CALCR: variants seen among roughly 807,000 people sequenced by gnomAD.
The protein encoded by CALCR is calcitonin receptor.
In CALCR, 47 loss-of-function variants were observed where a neutral mutation model predicts 59.5. That is an observed-to-expected ratio of 0.79 (90% CI 0.63 to 1.01). The LOEUF is 1.01. CALCR is among the 50% of genes least tolerant of loss of function. The probability of loss-of-function intolerance (pLI) is 0.00; values close to 1 mark genes in which losing one functional copy is unlikely to be tolerated. For synonymous variants in CALCR, 213 were observed against 211.3 expected (o/e 1.01, Z -0.07); for missense variants, 566 against 597.1 (o/e 0.95, Z 0.54).
At chr7:93,532,093 C>A (rs1238585352) in intron 2 of CALCR, among the ~76,000 whole-genome samples, 1 of 151,920 alleles carries the variant, frequency 6.6e-6, no homozygotes, top group Non-Finnish European at 1.5e-5. Flanking sequence ...CTATTGATAG[C>A]CATAAAGAAA....
At position 93,519,001 on chromosome 7, in the gene CALCR, T is replaced by C. The variant is rs1001598298; in HGVS notation, c.-26-31994A>G. Among the ~76,000 whole-genome samples, 6 of 151,994 alleles carry C rather than the reference T, an allele frequency of 3.9e-5. No homozygotes were observed. The South Asian group carries it at 1.2e-3, about 31-fold the overall frequency. On this transcript the variant is annotated intron_variant, in intron 2 of 13. Coordinates refer to ENST00000426151, the MANE Select transcript of CALCR (RefSeq NM_001742.4). ...TTTGTATTATTTAACTCTTACATAA[T>C]GATCATGTTAATTATGTAATAAAAA...
chr7:93,557,031 G>C (rs1372571703), intron 2 of CALCR, among the ~76,000 whole-genome samples: 1 of 151,810 alleles, frequency 6.6e-6, no homozygotes, highest in African/African-American at 2.4e-5. Flanking sequence ...TAACTACCTT[G>C]GCCATTTGGT....
chr7:93,456,327 G>T (rs1322921542), intron 8 of CALCR, among the ~76,000 whole-genome samples: 2 of 152,038 alleles, frequency 1.3e-5, no homozygotes, highest in Admixed American at 6.6e-5. Context: ...ATTGTAAGTG[G>T]CTTGTTATTG....
At position 93,443,668 on chromosome 7, in the gene CALCR, T is replaced by A; in HGVS notation, c.738A>T (p.Thr246=). 6.2e-7 allele frequency: 1 copy of A among 1,612,948 alleles called. No homozygotes were observed. Among genetic ancestry groups the A allele is most frequent in the Middle Eastern group, 1.7e-4 (1 of 6,058 alleles). ...WMLCEGIYLH[T]LIVVAVFTEK... ...CAGTAAACACAGCCACGACAATGAG[T>A]GTATGAAGATAGATCCCTTCACAGA... The change falls in exon 9 of 14, where the codon ACA becomes ACT. Residue 246 remains threonine, a synonymous_variant. Transcript: ENST00000426151.
intron 3 of CALCR, chr7:93,482,989 A>G (rs932550751): frequency 2.3e-6 from 1 of 440,608 alleles, no homozygotes; most frequent in African/African-American, 2.1e-5. Context: ...CTAAAATAAC[A>G]TACCCATTGG....
chr7:93,484,068 C>T (rs1326432338), intron 3 of CALCR: 1 of 477,256 alleles, frequency 2.1e-6, no homozygotes, highest in African/African-American at 2.0e-5. Flanking sequence ...TTTCAGTCGA[C>T]AAATACTTTG....
intron 2 of CALCR, among the ~76,000 whole-genome samples, chr7:93,573,667 C>A (rs1790053379): frequency 6.6e-6 from 1 of 152,314 alleles, no homozygotes; most frequent in Non-Finnish European, 1.5e-5. Context: ...TAATTTGTTA[C>A]AGCTTTTCTT....
At chr7:93,478,616 G>A (rs1223214059) in intron 4 of CALCR, among the ~76,000 whole-genome samples, 1 of 138,214 alleles carries the variant, frequency 7.2e-6, no homozygotes, top group African/African-American at 2.7e-5. Context: ...TCCTGGGCGA[G>A]AGAGTGAGAC....
intron 13 of CALCR, 103 bp from the exon 14 acceptor site, chr7:93,426,692 A>G (rs1799538686): frequency 1.5e-6 from 1 of 646,156 alleles, no homozygotes; most frequent in Non-Finnish European, 2.7e-6. Context: ...AAAGAAAGTT[A>G]AATTGTAATT....
At chr7:93,526,477 T>C (rs1801879877) in intron 2 of CALCR, among the ~76,000 whole-genome samples, 1 of 151,114 alleles carries the variant, frequency 6.6e-6, no homozygotes, top group African/African-American at 2.4e-5. Flanking sequence ...TAACCAATAC[T>C]GATTCAGAGA....
chr7:93,477,843 A>G (rs1042967512), intron 4 of CALCR, among the ~76,000 whole-genome samples, 175 bp from the exon 5 acceptor site: 5 of 151,624 alleles, frequency 3.3e-5, no homozygotes. Context: ...GGCTTAGCAT[A>G]TCTGTGACCA....
chr7:93,450,080 A>G (rs181546098), intron 8 of CALCR, among the ~76,000 whole-genome samples: 1 of 152,150 alleles, frequency 6.6e-6, no homozygotes, highest in East Asian at 1.9e-4. Context: ...TCTTTAAGCT[A>G]TCCTTTTCCA....
rs375307015 is a variant in CALCR, at chr7:93,476,596, A to AT, written c.316+961dup. 6.3e-3 allele frequency among the ~76,000 whole-genome samples: 952 copies of AT among 151,916 alleles called. 8 individuals carry two copies. The highest frequency in any genetic ancestry group is 0.021 in the African/African-American group (886 of 41,498). On this transcript the variant is annotated intron_variant, in intron 5 of 13. Coordinates refer to ENST00000426151, the MANE Select transcript of CALCR (RefSeq NM_001742.4). ...ATGGATCGATGCCTGTAAATCTCTGATTTTTTTATCAAAACCTTGCCTTGT... is the reference window on the plus strand; with the variant it reads ...ATGGATCGATGCCTGTAAATCTCTGATTTTTTTTATCAAAACCTTGCCTTGT...
chr7:93,549,225 CTT>C (rs1175331085), intron 2 of CALCR, among the ~76,000 whole-genome samples: 4 of 152,012 alleles, frequency 2.6e-5, no homozygotes, highest in Non-Finnish European at 5.9e-5. Context: ...CTGCTGAACT[CTT>C]TATTCAGATG....
chr7:93,503,817 C>A (rs1308226134), intron 2 of CALCR, among the ~76,000 whole-genome samples: 1 of 152,090 alleles, frequency 6.6e-6, no homozygotes, highest in Non-Finnish European at 1.5e-5. Flanking sequence ...TGACAATAAT[C>A]CCCAATAAGG....
intron 2 of CALCR, among the ~76,000 whole-genome samples, chr7:93,560,345 CA>C (rs1789717318): frequency 6.6e-6 from 1 of 151,840 alleles, no homozygotes; most frequent in African/African-American, 2.4e-5. Context: ...TAATTTAAAC[CA>C]AAAACAAAAT....
At chr7:93,428,002 G>GT (rs1799566739) in intron 13 of CALCR, among the ~76,000 whole-genome samples, 1 of 149,758 alleles carries the variant, frequency 6.7e-6, no homozygotes, top group Non-Finnish European at 1.5e-5. Flanking sequence ...CACATCCTGA[G>GT]TTTTGTTTTA....
chr7:93,572,451 A>AT (rs1482208991), intron 2 of CALCR, among the ~76,000 whole-genome samples: 3 of 152,150 alleles, frequency 2.0e-5, no homozygotes, highest in African/African-American at 7.2e-5. Context: ...GAGCATCCGT[A>AT]TTTTTTGAAA....
chr7:93,505,880 G>A (rs1263485367), intron 2 of CALCR, among the ~76,000 whole-genome samples: 1 of 152,124 alleles, frequency 6.6e-6, no homozygotes. Flanking sequence ...GAAGGAGCAG[G>A]TAACAAGGTG....
Sources: gnomAD v4.1 joint callset for allele counts (sites outside exome capture counted in the v4.1 genomes callset) on GRCh38, gnomAD v4.1.1 for gene constraint, MANE v1.5 for transcripts, NCBI Gene and HGNC (gene_info 2026-07-23, HGNC 2026-07-21) for gene names.